FHL2: variants seen among roughly 807,000 people sequenced by gnomAD.
FHL2 encodes the protein four and a half LIM domains 2.
In FHL2, 20 loss-of-function variants were observed where a neutral mutation model predicts 32.7. The ratio of observed to expected loss-of-function variants is 0.61; its 90% CI spans 0.43 to 0.89. The LOEUF (loss-of-function observed/expected upper bound fraction) is 0.89. Among genes scored for constraint, FHL2 ranks in the 40% least tolerant of loss-of-function variants. The pLI is 0.00. For missense variants in FHL2, 311 were observed against 358.6 expected (o/e 0.87, Z 1.07); for synonymous variants, 123 against 128.1 (o/e 0.96, Z 0.27).
At position 105,367,998 on chromosome 2, in the gene FHL2, C is replaced by A. The variant is rs191523595; in HGVS notation, c.332-259G>T. Among the ~76,000 whole-genome samples the A allele has an allele frequency of 1.6e-4, 24 of 152,224 alleles. No homozygotes were observed. The East Asian group carries it at 4.4e-3, about 28-fold the overall frequency. ...GCACTTAACATTTATTTATTGAATA[C>A]CGTGGTTAGGAATGTTAAATCTAAA... On this transcript the variant is annotated intron_variant, in intron 4 of 6. Coordinates refer to ENST00000530340, the MANE Select transcript of FHL2 (RefSeq NM_001318895.3).
chr2:105,384,206 G>A (rs567921732), intron 3 of FHL2, among the ~76,000 whole-genome samples: 2 of 152,176 alleles, frequency 1.3e-5, no homozygotes, highest in African/African-American at 2.4e-5. Context: ...TCTCACCTAC[G>A]TAAGTATTTC....
chr2:105,413,600 A>G (rs1683856193), intron 1 of FHL2, among the ~76,000 whole-genome samples: 1 of 152,126 alleles, frequency 6.6e-6, no homozygotes, highest in Non-Finnish European at 1.5e-5. Context: ...CAGCCTCCCG[A>G]CAAGCTGGGA....
intron 1 of FHL2, among the ~76,000 whole-genome samples, chr2:105,407,491 A>C (rs1683672701): frequency 6.6e-6 from 1 of 151,982 alleles, no homozygotes; most frequent in Admixed American, 6.5e-5. Context: ...CAAACACATC[A>C]AGCCCATTTC....
At chr2:105,383,061 T>C (rs189692063) in intron 3 of FHL2, among the ~76,000 whole-genome samples, 2,480 of 152,296 alleles carry the variant, frequency 0.016, 27 homozygotes, top group South Asian at 0.057. Flanking sequence ...TATTTTTGTA[T>C]TTTTAGTAGA....
chr2:105,438,146 A>C (rs1000688818), intron 1 of FHL2, among the ~76,000 whole-genome samples: 1 of 152,142 alleles, frequency 6.6e-6, no homozygotes, highest in African/African-American at 2.4e-5. Flanking sequence ...GGGGTTCTCT[A>C]TCTTCAAGCT....
chr2:105,401,064 CTTT>C (rs10561053), upstream of FHL2, among the ~76,000 whole-genome samples: 1,063 of 125,490 alleles, frequency 8.5e-3, 11 homozygotes, highest in East Asian at 0.019. Flanking sequence ...TTATTGGATT[CTTT>C]TTTTTTTTTT....
upstream of FHL2, chr2:105,399,150 CG>C: frequency 2.2e-6 from 3 of 1,364,828 alleles, no homozygotes; most frequent in Non-Finnish European, 2.8e-6. Context: ...GCGTGGGGCG[CG>C]GGGGGCGGGC....
At chr2:105,418,580 C>G (rs1442900186) in intron 1 of FHL2, among the ~76,000 whole-genome samples, 1 of 152,232 alleles carries the variant, frequency 6.6e-6, no homozygotes, top group East Asian at 1.9e-4. Context: ...CTGCACTTTA[C>G]ATTTTTATGA....
At chr2:105,426,425 A>C (rs374741531) in intron 1 of FHL2, among the ~76,000 whole-genome samples, 2 of 152,198 alleles carry the variant, frequency 1.3e-5, no homozygotes, top group African/African-American at 2.4e-5. Context: ...ATGGTAAAGA[A>C]TGGAAACAGC....
At chr2:105,375,047 A>T (rs1681367165) in intron 3 of FHL2, among the ~76,000 whole-genome samples, 1 of 152,310 alleles carries the variant, frequency 6.6e-6, no homozygotes, top group East Asian at 1.9e-4. Flanking sequence ...ATGTGAAGAC[A>T]TGGATCTTGG....
chr2:105,406,381 T>G, intron 1 of FHL2, among the ~76,000 whole-genome samples: 1 of 151,924 alleles, frequency 6.6e-6, no homozygotes, highest in Admixed American at 6.6e-5. Context: ...GCCGGAGGGG[T>G]TCCAGCGGTG....
chr2:105,387,140 A>G (rs1682382705), intron 2 of FHL2, among the ~76,000 whole-genome samples: 1 of 152,202 alleles, frequency 6.6e-6, no homozygotes, highest in Admixed American at 6.5e-5. Context: ...AATGCAGGTA[A>G]GGGCTGACAC....
intron 1 of FHL2, among the ~76,000 whole-genome samples, chr2:105,428,368 C>T (rs140420732): frequency 1.2e-3 from 188 of 152,350 alleles, no homozygotes; most frequent in African/African-American, 4.4e-3. Flanking sequence ...TCATCTCCAG[C>T]TTCTAGTTTC....
rs1682269506 is a variant in FHL2 at position 105,385,894 on chromosome 2, A to G, written c.156+467T>C. 2 of 213,674 alleles carry G rather than the reference A, an allele frequency of 9.4e-6. 1 individual carries two copies. Among genetic ancestry groups the G allele is most frequent in the Non-Finnish European group, 1.8e-5 (2 of 109,156 alleles). The allele number at this position is 213,674 out of a possible 1,614,324, so 13.2% of individuals were successfully genotyped here. A position where few individuals can be genotyped will look rare whatever the true frequency, so the allele number is the denominator to read the frequency against. On this transcript the variant is annotated intron_variant, in intron 3 of 6. Coordinates refer to ENST00000530340, the MANE Select transcript of FHL2 (RefSeq NM_001318895.3). ...TCTCATTAAAGGAAAAGAGCTCACA[A>G]TCTTCCAAGGACTTTGTGCTTTTAT...
downstream of FHL2, chr2:105,359,886 C>G (rs1043676429): frequency 6.6e-6 from 1 of 152,096 alleles, no homozygotes; most frequent in Non-Finnish European, 1.5e-5. Context: ...GATGTGGATC[C>G]ATAACACTGG....
At chr2:105,400,452 C>T (rs1683422734), upstream of FHL2, among the ~76,000 whole-genome samples, 2 of 151,790 alleles carry the variant, frequency 1.3e-5, no homozygotes, top group African/African-American at 4.8e-5. Flanking sequence ...TGAATTTCCA[C>T]TAAGTGTCAA....
At chr2:105,406,126 T>G (rs1043908052) in intron 1 of FHL2, among the ~76,000 whole-genome samples, 1 of 152,222 alleles carries the variant, frequency 6.6e-6, no homozygotes, top group Non-Finnish European at 1.5e-5. Context: ...CAGAGCTTCC[T>G]GGAACAACCA....
chr2:105,403,922 G>C (rs888761097), upstream of FHL2, among the ~76,000 whole-genome samples: 1 of 152,214 alleles, frequency 6.6e-6, no homozygotes, highest in African/African-American at 2.4e-5. Context: ...TACAAATGCT[G>C]AAATTTCATT....
chr2:105,399,456 G>A, upstream of FHL2: 2 of 1,536,204 alleles, frequency 1.3e-6, no homozygotes, highest in Non-Finnish European at 1.7e-6. Flanking sequence ...TTCTCAGGAG[G>A]CATGTGCCTG....
Sources: allele counts gnomAD v4.1 joint callset (sites outside exome capture counted in the v4.1 genomes callset), GRCh38; gene constraint gnomAD v4.1.1; transcripts MANE v1.5; gene names NCBI Gene and HGNC (gene_info 2026-07-23, HGNC 2026-07-21).